Variants in FNBP4 observed in about 807,000 individuals in gnomAD.
FNBP4 encodes formin binding protein 4, also known as formin-binding protein 4.
Under a neutral mutation model 119.3 loss-of-function variants are expected in FNBP4, and 34 were observed. The ratio of observed to expected loss-of-function variants is 0.28; its 90% CI spans 0.22 to 0.38. FNBP4 has a LOEUF of 0.38. Ranked by LOEUF, FNBP4 falls within the 10% of genes least tolerant of loss-of-function variation. The probability of loss-of-function intolerance (pLI) is 1.00; values close to 1 mark genes in which losing one functional copy is unlikely to be tolerated. For missense variants in FNBP4, 1,112 were observed against 1,228.9 expected, an observed-to-expected ratio of 0.90 and a Z score of 1.42; for synonymous variants, 462 against 430.6, an observed-to-expected ratio of 1.07 and a Z score of -0.90.
intron 6 of FNBP4, among the ~76,000 whole-genome samples, chr11:47,749,024 C>T (rs914549413): frequency 3.9e-5 from 6 of 151,992 alleles, no homozygotes; most frequent in Middle Eastern, 3.4e-3. Context: ...TTTGGGAGGC[C>T]GAGGCAGAAG....
chr11:47,743,581 A>T (rs929212862), intron 8 of FNBP4, among the ~76,000 whole-genome samples: 22 of 152,168 alleles, frequency 1.4e-4, no homozygotes, highest in Non-Finnish European at 5.9e-5. Context: ...ATGCAGCAGG[A>T]GCTCTTCGAC....
At chr11:47,746,006 AGAG>A (rs1565148454) in intron 7 of FNBP4, 47 bp downstream of exon 7, 1 of 1,412,018 alleles carries the variant, frequency 7.1e-7, no homozygotes, top group African/African-American at 1.4e-5. Flanking sequence ...TGATCCCTGT[AGAG>A]TAGTACTGAG....
At chr11:47,745,953 T>C in intron 7 of FNBP4, 103 bp downstream of exon 7, 1 of 1,043,778 alleles carries the variant, frequency 9.6e-7, no homozygotes, top group Non-Finnish European at 1.4e-6. Flanking sequence ...GATGATGGGA[T>C]AAGAAAAACA....
rs1323943559 is a variant in FNBP4, at chr11:47,729,098, C to T, written c.2008+2276G>A. ...AACTCTTGACCTCAGGTGATCCACC[C>T]GCCTCAGCCCCCCAAAGTATTGGGA... On this transcript the variant is annotated intron_variant, in intron 12 of 16. Coordinates refer to ENST00000263773, the MANE Select transcript of FNBP4 (RefSeq NM_015308.5). The T allele has an allele frequency of 1.5e-5, 14 of 921,502 alleles. No individual in the cohort carries two copies. The East Asian group carries it at 3.5e-4, about 23-fold the overall frequency. 57.1% of individuals were successfully genotyped at this position (921,502 alleles called of 1,614,324 possible). A position where few individuals can be genotyped will look rare whatever the true frequency, so the allele number is the denominator to read the frequency against.
intron 9 of FNBP4, among the ~76,000 whole-genome samples, chr11:47,735,858 T>G (rs535153925): frequency 6.1e-4 from 93 of 151,866 alleles, no homozygotes; most frequent in African/African-American, 2.2e-3. Context: ...GGCAGGTGTA[T>G]CACGAGGTCA....
chr11:47,741,842 A>G (rs935111857), intron 8 of FNBP4, among the ~76,000 whole-genome samples: 1 of 152,018 alleles, frequency 6.6e-6, no homozygotes, highest in Non-Finnish European at 1.5e-5. Context: ...TAAAGAATGC[A>G]CCACAATTTA....
chr11:47,752,444 T>C (rs1599239562), intron 4 of FNBP4, among the ~76,000 whole-genome samples: 1 of 141,032 alleles, frequency 7.1e-6, no homozygotes, highest in Non-Finnish European at 1.6e-5. Flanking sequence ...AAAAAAACAA[T>C]TAAATAAATA....
At chr11:47,751,672 G>A (rs2097604436) in intron 4 of FNBP4, among the ~76,000 whole-genome samples, 2 of 152,084 alleles carry the variant, frequency 1.3e-5, no homozygotes, top group Admixed American at 6.6e-5. Flanking sequence ...AAACAGTTTG[G>A]CCGGCTACAG....
chr11:47,718,325 T>C (rs2097551855), intron 16 of FNBP4, among the ~76,000 whole-genome samples: 1 of 152,148 alleles, frequency 6.6e-6, no homozygotes, highest in Non-Finnish European at 1.5e-5. Context: ...GCGATTCTCC[T>C]GCCTCAGCCT....
In FNBP4 at chr11:47,746,369, A is replaced by C. The variant is rs765156072; in HGVS notation, c.932T>G (p.Leu311Arg). 5.6e-6 allele frequency: 9 copies of C among 1,605,476 alleles called. No individual in the cohort carries two copies. Among genetic ancestry groups the C allele is most frequent in the Non-Finnish European group, 7.6e-6 (9 of 1,177,776 alleles). The change falls in exon 7 of 17, where the codon CTC (leucine) becomes CGC (arginine). Residue 311 changes from leucine to arginine, a missense_variant. This residue lies in a region of FNBP4 where 826 missense variants were observed against 988.8 expected (regional missense o/e 0.84). Transcript: ENST00000263773. ...TTTCTTCTCCTCCTCACTATTTGAG[A>C]GAGCCTGAATTCCTTCATTTACTTC... ...KKEVNEGIQA[L>R]SNSEEEKKGV... is the part of the protein sequence containing the mutation.
intron 9 of FNBP4, among the ~76,000 whole-genome samples, chr11:47,735,294 T>C (rs1345077313): frequency 6.6e-6 from 1 of 152,228 alleles, no homozygotes; most frequent in East Asian, 1.9e-4. Context: ...ATCCATTAAT[T>C]GCTTATATTA....
chr11:47,742,558 A>AT (rs2097583824), intron 8 of FNBP4, among the ~76,000 whole-genome samples: 1 of 150,326 alleles, frequency 6.7e-6, no homozygotes, highest in Non-Finnish European at 1.5e-5. Flanking sequence ...GATTTACAGA[A>AT]TTTTCCTTTA....
chr11:47,717,216 A>C lies in FNBP4; in HGVS notation c.*206T>G. The C allele has an allele frequency of 1.9e-6, 1 of 522,142 alleles. No homozygotes were observed. Among genetic ancestry groups the C allele is most frequent in the Admixed American group, 3.4e-5 (1 of 29,250 alleles). The allele number at this position is 522,142 out of a possible 1,614,324, so 32.3% of individuals were successfully genotyped here. A position where few individuals can be genotyped will look rare whatever the true frequency, so the allele number is the denominator to read the frequency against. ...TTGAGAATAAAGGCAGCATGGTCAAAGCAATTCCAATCACCTCATCCCTTT... is the reference window on the plus strand; with the variant it reads ...TTGAGAATAAAGGCAGCATGGTCAACGCAATTCCAATCACCTCATCCCTTT... On this transcript the variant is annotated 3_prime_UTR_variant, in exon 17 of 17. Coordinates refer to ENST00000263773, the MANE Select transcript of FNBP4 (RefSeq NM_015308.5).
intron 8 of FNBP4, among the ~76,000 whole-genome samples, chr11:47,737,662 A>C (rs1222342609): frequency 6.6e-6 from 1 of 150,596 alleles, no homozygotes; most frequent in Non-Finnish European, 1.5e-5. Flanking sequence ...CTGGTCTCAA[A>C]CTCCTGGACT....
intron 15 of FNBP4, among the ~76,000 whole-genome samples, chr11:47,721,914 T>C (rs2135066586): frequency 8.1e-6 from 1 of 123,302 alleles, no homozygotes; most frequent in East Asian, 2.5e-4. Flanking sequence ...TATCAAATGA[T>C]TAAAAAAAAA....
intron 16 of FNBP4, among the ~76,000 whole-genome samples, chr11:47,718,023 G>A (rs986248520): frequency 4.0e-5 from 6 of 151,824 alleles, no homozygotes; most frequent in Non-Finnish European, 8.8e-5. Flanking sequence ...CCAAAGTGCT[G>A]GGATTACAGG....
In FNBP4 at chr11:47,763,828, T is replaced by C. The variant is rs1041978995; in HGVS notation, c.313+1442A>G. Among the ~76,000 whole-genome samples the C allele has an allele frequency of 1.5e-4, 23 of 152,044 alleles. 1 individual carries two copies. The highest frequency in any genetic ancestry group is 6.5e-5 in the Admixed American group (1 of 15,268). On this transcript the variant is annotated intron_variant, in intron 2 of 16. Coordinates refer to ENST00000263773, the MANE Select transcript of FNBP4 (RefSeq NM_015308.5). ...AGCCATAGTTTTTAGCAGTCTTTTT[T>C]TGAGAAAGGTGTTGACCCCTCAAAC...
chr11:47,760,937 T>C (rs527626579), intron 2 of FNBP4, among the ~76,000 whole-genome samples: 1 of 152,314 alleles, frequency 6.6e-6, no homozygotes, highest in Non-Finnish European at 1.5e-5. Context: ...TATAGTTTCA[T>C]CTTTGAGACT....
At position 47,717,419 on chromosome 11, in the gene FNBP4, A is replaced by G. The variant is rs1368637756; in HGVS notation, c.*3T>C. 1.2e-6 allele frequency: 2 copies of G among 1,604,218 alleles called. No homozygotes were observed. Among genetic ancestry groups the G allele is most frequent in the East Asian group, 2.2e-5 (1 of 44,818 alleles). ...ATACAAAAAAGTTTTAAAAACTTAA[A>G]AACTATGTGTTTGGAGCCATTTTCC... is the stretch of plus-strand genomic sequence containing the variant. On this transcript the variant is annotated 3_prime_UTR_variant, in exon 17 of 17. Coordinates refer to ENST00000263773, the MANE Select transcript of FNBP4 (RefSeq NM_015308.5).
Sources: allele counts gnomAD v4.1 joint callset (sites outside exome capture counted in the v4.1 genomes callset), GRCh38; gene constraint gnomAD v4.1.1; regional missense constraint gnomAD v4.1.1; transcripts MANE v1.5; gene names NCBI Gene and HGNC (gene_info 2026-07-23, HGNC 2026-07-21).